Variants in MERTK observed in about 807,000 individuals in gnomAD.
MERTK encodes MER proto-oncogene, tyrosine kinase.
MERTK carries 69 observed loss-of-function variants against 99.3 expected under a neutral mutation model. The observed-to-expected ratio is 0.70, with a 90% confidence interval of 0.57 to 0.85. The LOEUF is 0.85. Among genes scored for constraint, MERTK ranks in the 40% least tolerant of loss-of-function variants. MERTK has a pLI of 0.00. For synonymous variants in MERTK, 426 were observed against 467.6 expected (o/e 0.91, Z 1.15); for missense variants, 1,125 against 1,249.4 (o/e 0.90, Z 1.50).
intron 2 of MERTK, among the ~76,000 whole-genome samples, chr2:111,944,537 C>CTGTTTTAAGGATA (rs1558781453): frequency 6.6e-6 from 1 of 151,830 alleles, no homozygotes; most frequent in Admixed American, 6.6e-5. Flanking sequence ...GGAATTAGCT[C>CTGTTTTAAGGATA]ACACACAGTG....
In MERTK at chr2:112,028,767, C is replaced by T. The variant is rs928342877; in HGVS notation, c.2903C>T (p.Ser968Phe). The T allele has an allele frequency of 6.2e-6, 10 of 1,614,010 alleles. No homozygotes were observed. In the African/African-American group the frequency reaches 1.1e-4, roughly 17 times the overall value. ...GAGAGACTTGTTAGGAATGGGGTCT[C>T]CTGGTCCCATTCGAGCATGCTGCCC... ...PGERLVRNGV[S>F]WSHSSMLPLG... The change falls in exon 19 of 19, where the codon TCC (serine) becomes TTC (phenylalanine). Residue 968 changes from serine to phenylalanine, a missense_variant. Transcript: ENST00000295408.
chr2:111,898,823 C>G (rs1264414105), intron 1 of MERTK, 27 bp downstream of exon 1: 2 of 1,570,392 alleles, frequency 1.3e-6, no homozygotes, highest in East Asian at 4.7e-5. Context: ...GGGGGCCAGG[C>G]GAGGGGGTGG....
At chr2:111,924,621 G>A (rs1295920550) in intron 1 of MERTK, among the ~76,000 whole-genome samples, 1 of 152,124 alleles carries the variant, frequency 6.6e-6, no homozygotes, top group African/African-American at 2.4e-5. Context: ...GCCTAGCTCT[G>A]AGCCTTGCTC....
chr2:111,972,097 C>T (rs192601203), intron 6 of MERTK, among the ~76,000 whole-genome samples: 1 of 152,272 alleles, frequency 6.6e-6, no homozygotes, highest in East Asian at 1.9e-4. Flanking sequence ...ATGGCACAGT[C>T]TCAACTCACT....
chr2:112,000,029 G>C lies in MERTK; in HGVS notation c.1605-1172G>C, dbSNP rs567491695. Reference sequence around the variant, plus strand: ...CGCAAGGGTGGGGGAATACCACAAAGTACATTATCCCAAGGGCAGGGAGGG... The same window carrying C: ...CGCAAGGGTGGGGGAATACCACAAACTACATTATCCCAAGGGCAGGGAGGG... On this transcript the variant is annotated intron_variant, in intron 10 of 18. Transcript: ENST00000295408. Among the ~76,000 whole-genome samples, 6 of 152,234 alleles carry C rather than the reference G, an allele frequency of 3.9e-5. No individual in the cohort carries two copies. The East Asian group carries it at 1.2e-3, about 29-fold the overall frequency.
chr2:112,029,014 C>A lies in MERTK; in HGVS notation c.*150C>A. 1 of 1,497,604 alleles carries A rather than the reference C, an allele frequency of 6.7e-7. No homozygotes were observed. The highest frequency in any genetic ancestry group is 8.9e-7 in the Non-Finnish European group (1 of 1,122,392). The allele number at this position is 1,497,604 out of a possible 1,614,324, so 92.8% of individuals were successfully genotyped here. A position where few individuals can be genotyped will look rare whatever the true frequency, so the allele number is the denominator to read the frequency against. On this transcript the variant is annotated 3_prime_UTR_variant, in exon 19 of 19. Transcript: ENST00000295408. ...AGATGAATGTTGTTAAGTAAGCTGT[C>A]ATTAAAAATACATAATATATATTTA...
rs902350699 is a variant in MERTK, at chr2:111,905,784, A to G, written c.61+6988A>G. Among the ~76,000 whole-genome samples the G allele has an allele frequency of 2.6e-5, 4 of 152,064 alleles. No individual in the cohort carries two copies. The East Asian group carries it at 7.7e-4, about 29-fold the overall frequency. On this transcript the variant is annotated intron_variant, in intron 1 of 18. Coordinates refer to ENST00000295408, the MANE Select transcript of MERTK (RefSeq NM_006343.3). ...GTGCCCAGCCAGAAACCTACACTCA[A>G]TTCTAAAGCATTTTATTTCATCCTT...
chr2:111,970,048 C>T (rs1388682193), intron 6 of MERTK, among the ~76,000 whole-genome samples: 1 of 152,040 alleles, frequency 6.6e-6, no homozygotes, highest in East Asian at 1.9e-4. Context: ...GTAAGCCTCC[C>T]AAGCACTGGT....
chr2:111,912,283 G>A (rs959048408), intron 1 of MERTK, among the ~76,000 whole-genome samples: 1 of 151,850 alleles, frequency 6.6e-6, no homozygotes, highest in Non-Finnish European at 1.5e-5. Context: ...CTGGAATTAC[G>A]GGCATGAGCC....
chr2:111,916,623 A>G (rs945690451), intron 1 of MERTK, among the ~76,000 whole-genome samples: 5 of 151,768 alleles, frequency 3.3e-5, no homozygotes, highest in East Asian at 1.9e-4. Flanking sequence ...CTGTTTTTTC[A>G]TGTTTCAAGC....
At chr2:111,960,184 A>G (rs560868733) in intron 4 of MERTK, among the ~76,000 whole-genome samples, 10 of 152,186 alleles carry the variant, frequency 6.6e-5, no homozygotes, top group Non-Finnish European at 1.2e-4. Flanking sequence ...CCAGAGACAG[A>G]AAATTCCAAA....
chr2:111,988,896 C>T (rs1381189649), intron 8 of MERTK, among the ~76,000 whole-genome samples: 1 of 152,164 alleles, frequency 6.6e-6, no homozygotes, highest in Non-Finnish European at 1.5e-5. Flanking sequence ...TTGCAGTAAG[C>T]CAAGATGGCG....
chr2:111,926,674 C>G (rs1438175964), intron 1 of MERTK, among the ~76,000 whole-genome samples: 1 of 152,176 alleles, frequency 6.6e-6, no homozygotes, highest in African/African-American at 2.4e-5. Context: ...TTGCAGAGAA[C>G]TGAGATTGCG....
At chr2:111,925,245 A>G (rs1430344690) in intron 1 of MERTK, among the ~76,000 whole-genome samples, 1 of 138,568 alleles carries the variant, frequency 7.2e-6, no homozygotes, top group East Asian at 2.1e-4. Context: ...TCATTCTATC[A>G]ACTTCTGGTA....
intron 4 of MERTK, among the ~76,000 whole-genome samples, chr2:111,960,793 G>A (rs1685235615): frequency 6.6e-6 from 1 of 151,860 alleles, no homozygotes; most frequent in Admixed American, 6.6e-5. Flanking sequence ...GTTACAGTGG[G>A]TGTTGGTGTC....
intron 18 of MERTK, among the ~76,000 whole-genome samples, chr2:112,025,907 C>T (rs1677451615): frequency 6.6e-6 from 1 of 152,212 alleles, no homozygotes. Context: ...CTCCAAAACT[C>T]TTCTTATCTT....
rs763456207 is a variant in MERTK, at chr2:111,965,270, C to T, written c.837C>T (p.Asn279=). The part of the protein sequence containing the change: ...GLTVSKGVQI[N]IKAIPSPPTE... ...CCGTGTCCAAGGGAGTGCAGATCAA[C>T]ATCAAAGGTAAGCAGCAAGGCTAGG... is the stretch of plus-strand genomic sequence containing the variant. Residue 279 remains asparagine, a synonymous_variant, in exon 5 of 19, where the codon AAC becomes AAT. Coordinates refer to ENST00000295408, the MANE Select transcript of MERTK (RefSeq NM_006343.3). 5.6e-6 allele frequency: 9 copies of T among 1,614,008 alleles called. No individual in the cohort carries two copies. The South Asian group carries it at 8.8e-5, about 16-fold the overall frequency.
chr2:111,927,061 C>G (rs1318649416), intron 1 of MERTK, among the ~76,000 whole-genome samples: 1 of 152,136 alleles, frequency 6.6e-6, no homozygotes, highest in Non-Finnish European at 1.5e-5. Flanking sequence ...CCACATAGCC[C>G]TCCCCTAAAG....
Position 112,028,538 on chromosome 2 carries a change from C to T in MERTK, c.2674C>T (p.Pro892Ser). The change falls in exon 19 of 19, where the codon CCA becomes TCA. Residue 892 changes from proline (P) to serine (S), a missense_variant. Physicochemically the swap from Pro to Ser is moderately conservative, Grantham distance 74 (BLOSUM62 -1). Coordinates refer to ENST00000295408, the MANE Select transcript of MERTK (RefSeq NM_006343.3). Reference protein sequence around the residue: ...EGLAQGSTLAPLDLNIDPDSI... With the variant: ...EGLAQGSTLASLDLNIDPDSI... ...CCTGGCCCAGGGCTCCACCCTTGCT[C>T]CACTGGACTTGAACATCGACCCTGA... The T allele has an allele frequency of 6.2e-7, 1 of 1,614,192 alleles. No homozygotes were observed. Among genetic ancestry groups the T allele is most frequent in the Non-Finnish European group, 8.5e-7 (1 of 1,180,038 alleles).
Sources: allele counts gnomAD v4.1 joint callset (sites outside exome capture counted in the v4.1 genomes callset), GRCh38; gene constraint gnomAD v4.1.1; transcripts MANE v1.5; gene names NCBI Gene and HGNC (gene_info 2026-07-23, HGNC 2026-07-21).